The following C1orf74 variants were observed in gnomAD, a reference collection of about 807,000 sequenced individuals.
C1orf74 encodes the protein UPF0739 protein C1orf74.
C1orf74 carries 5 observed loss-of-function variants against 7.3 expected under a neutral mutation model. The ratio of observed to expected loss-of-function variants is 0.68; its 90% confidence interval spans 0.36 to 1.44. The LOEUF is 1.44. Among genes scored for constraint, C1orf74 ranks in the 40% most tolerant of loss-of-function variants. The pLI, the probability that C1orf74 is intolerant of heterozygous loss-of-function variation, is 0.04. For missense variants in C1orf74, 291 were observed against 314.3 expected (o/e 0.93, Z 0.56); for synonymous variants, 121 against 132.5 (o/e 0.91, Z 0.59).
chr1:209,781,399 C>T lies in C1orf74; in HGVS notation c.*1426G>A, dbSNP rs761032143. 4 of 1,613,794 alleles carry T rather than the reference C, an allele frequency of 2.5e-6. No individual in the cohort carries two copies. The highest frequency in any genetic ancestry group is 3.4e-6 in the Non-Finnish European group (4 of 1,179,768). On this transcript the variant is annotated 3_prime_UTR_variant, in exon 2 of 2. Coordinates refer to ENST00000294811, the MANE Select transcript of C1orf74 (RefSeq NM_152485.4). ...CCTCAGTGACGAGTATCTCTCCTGCCTGCGTAAGCTGCAGCACTGTCGAGA... is the reference window on the plus strand; with the variant it reads ...CCTCAGTGACGAGTATCTCTCCTGCTTGCGTAAGCTGCAGCACTGTCGAGA...
chr1:209,781,375 C>G lies in C1orf74; in HGVS notation c.*1450G>C, dbSNP rs1212681386. On this transcript the variant is annotated 3_prime_UTR_variant, in exon 2 of 2. Coordinates refer to ENST00000294811, the MANE Select transcript of C1orf74 (RefSeq NM_152485.4). ...AGAACTGCATTCAGAATTAGACAAC[C>G]TCAGTGACGAGTATCTCTCCTGCCT... 6.2e-7 allele frequency: 1 copy of G among 1,613,424 alleles called. No individual in the cohort carries two copies. The highest frequency in any genetic ancestry group is 1.7e-5 in the Admixed American group (1 of 60,002).
At position 209,782,743 on chromosome 1, in the gene C1orf74, G is replaced by T; in HGVS notation, c.*82C>A. 7.3e-7 allele frequency: 1 copy of T among 1,367,272 alleles called. No individual in the cohort carries two copies. Among genetic ancestry groups the T allele is most frequent in the Non-Finnish European group, 1.0e-6 (1 of 988,520 alleles). The allele number at this position is 1,367,272 out of a possible 1,614,324, so 84.7% of individuals were successfully genotyped here. On this transcript the variant is annotated 3_prime_UTR_variant, in exon 2 of 2. Transcript: ENST00000294811. ...TAGTGTATTCAAGACACTTGGAATT[G>T]GCAGTTGAGATGATTATTTGCCATC...
Position 209,784,378 on chromosome 1 carries a change from G to T in C1orf74, c.-76C>A, listed in dbSNP as rs920895282. 6.6e-6 allele frequency: 1 copy of T among 152,226 alleles called. No homozygotes were observed. Among genetic ancestry groups the T allele is most frequent in the African/African-American group, 2.4e-5 (1 of 41,444 alleles). 9.4% of individuals were successfully genotyped at this position (152,226 alleles called of 1,614,324 possible). A position where few individuals can be genotyped will look rare whatever the true frequency, so the allele number is the denominator to read the frequency against. On this transcript the variant is annotated splice_region_variant and 5_prime_UTR_variant, in exon 1 of 2. Transcript: ENST00000294811. Reference sequence around the variant, plus strand: ...TGAGGCATAAGTCTGTCTCACATACGTTCTTTTTCCACGTCCGCTACAGGT... The same window carrying T: ...TGAGGCATAAGTCTGTCTCACATACTTTCTTTTTCCACGTCCGCTACAGGT...
In C1orf74 at chr1:209,781,300, C is replaced by A; in HGVS notation, c.*1525G>T. On this transcript the variant is annotated 3_prime_UTR_variant, in exon 2 of 2. Coordinates refer to ENST00000294811, the MANE Select transcript of C1orf74 (RefSeq NM_152485.4). ...GCAGTCTCCCCTGCCTGGGCTCTGT[C>A]CTAGACAGAAGTGACAGTGATGACT... 2 of 1,420,132 alleles carry A rather than the reference C, an allele frequency of 1.4e-6. No individual in the cohort carries two copies. Among genetic ancestry groups the A allele is most frequent in the South Asian group, 1.2e-5 (1 of 86,394 alleles). The allele number at this position is 1,420,132 out of a possible 1,614,324, so 88.0% of individuals were successfully genotyped here.
rs927921831 is a variant in C1orf74, at chr1:209,780,860, A to G, written c.*1965T>C. 1.6e-5 allele frequency: 4 copies of G among 254,066 alleles called. No homozygotes were observed. Among genetic ancestry groups the G allele is most frequent in the Non-Finnish European group, 7.4e-6 (1 of 134,240 alleles). The allele number at this position is 254,066 out of a possible 1,614,324, so 15.7% of individuals were successfully genotyped here. A position where few individuals can be genotyped will look rare whatever the true frequency, so the allele number is the denominator to read the frequency against. Reference sequence around the variant, plus strand: ...GTCGACCAAAACTCAAACACATTTAATAAAAATATTAACTTCTCAATATGT... The same window carrying G: ...GTCGACCAAAACTCAAACACATTTAGTAAAAATATTAACTTCTCAATATGT... On this transcript the variant is annotated 3_prime_UTR_variant, in exon 2 of 2. Transcript: ENST00000294811.
Position 209,784,507 on chromosome 1 carries a change from G to C in C1orf74, c.-205C>G, listed in dbSNP as rs746191939. Reference sequence around the variant, plus strand: ...ACACTGGAAAACCCGCCTGCGCTGGGAAGACCCTCGCAGCCCGCTCTGCTC... The same window carrying C: ...ACACTGGAAAACCCGCCTGCGCTGGCAAGACCCTCGCAGCCCGCTCTGCTC... On this transcript the variant is annotated 5_prime_UTR_variant, in exon 1 of 2. Transcript: ENST00000294811. The C allele has an allele frequency of 6.6e-6, 1 of 152,252 alleles. No individual in the cohort carries two copies. Among genetic ancestry groups the C allele is most frequent in the Non-Finnish European group, 1.5e-5 (1 of 68,052 alleles). The allele number at this position is 152,252 out of a possible 1,614,324, so 9.4% of individuals were successfully genotyped here.
In C1orf74 at chr1:209,782,933, A is replaced by C; in HGVS notation, c.702T>G (p.Ile234Met). Residue 234 changes from isoleucine to methionine, a missense_variant, in exon 2 of 2, where the codon ATT becomes ATG. Ile to Met is a conservative substitution (Grantham distance 10, BLOSUM62 1). Coordinates refer to ENST00000294811, the MANE Select transcript of C1orf74 (RefSeq NM_152485.4). The stretch of plus-strand genomic sequence containing the variant: ...TGAGGTCCTTCTCCCAGGTGTTTAG[A>C]ATGTCCCTCAGGCCTGGGAACAAAC... ...PESLFPGLRD[I>M]LNTWEKDLRT... is the part of the protein sequence containing the mutation. 1 of 1,614,158 alleles carries C rather than the reference A, an allele frequency of 6.2e-7. No individual in the cohort carries two copies.
At position 209,780,135 on chromosome 1, in the gene C1orf74, C is replaced by G. The variant is rs2077744615; in HGVS notation, c.*2690G>C. ...AAAAGGGATTGTATTAAAGCATTTA[C>G]CAAACTTATTTGACAAACTAGGAAG... On this transcript the variant is annotated 3_prime_UTR_variant, in exon 2 of 2. Coordinates refer to ENST00000294811, the MANE Select transcript of C1orf74 (RefSeq NM_152485.4). The G allele has an allele frequency of 5.9e-6, 1 of 169,490 alleles. No homozygotes were observed. The highest frequency in any genetic ancestry group is 1.2e-5 in the Non-Finnish European group (1 of 80,084). The allele number at this position is 169,490 out of a possible 1,614,324, so 10.5% of individuals were successfully genotyped here. A position where few individuals can be genotyped will look rare whatever the true frequency, so the allele number is the denominator to read the frequency against.
chr1:209,780,429 T>C lies in C1orf74; in HGVS notation c.*2396A>G, dbSNP rs1436855448. On this transcript the variant is annotated 3_prime_UTR_variant, in exon 2 of 2. Transcript: ENST00000294811. Reference sequence around the variant, plus strand: ...CACCCTCAGGGCCCTTCCTCAGAGGTGTGGGCCTCACTGTCACCAAGAATC... The same window carrying C: ...CACCCTCAGGGCCCTTCCTCAGAGGCGTGGGCCTCACTGTCACCAAGAATC... 2 of 1,502,180 alleles carry C rather than the reference T, an allele frequency of 1.3e-6. No individual in the cohort carries two copies. Among genetic ancestry groups the C allele is most frequent in the South Asian group, 1.3e-5 (1 of 77,170 alleles). The allele number at this position is 1,502,180 out of a possible 1,614,324, so 93.1% of individuals were successfully genotyped here.
In C1orf74 at chr1:209,781,872, G is replaced by A. The variant is rs1170255741; in HGVS notation, c.*953C>T. 2 of 589,448 alleles carry A rather than the reference G, an allele frequency of 3.4e-6. No individual in the cohort carries two copies. The highest frequency in any genetic ancestry group is 1.9e-5 in the African/African-American group (1 of 53,604). The allele number at this position is 589,448 out of a possible 1,614,324, so 36.5% of individuals were successfully genotyped here. On this transcript the variant is annotated 3_prime_UTR_variant, in exon 2 of 2. Transcript: ENST00000294811. ...GATGGATACGGCTCCCTGGGCCAGA[G>A]AACATTGGTTAAGTGGTTTTATCCC...
At chr1:209,784,183 C>A (rs1015110079) in intron 1 of C1orf74, among the ~76,000 whole-genome samples, 195 bp downstream of exon 1, 6 of 152,080 alleles carry the variant, frequency 3.9e-5, no homozygotes, top group African/African-American at 1.4e-4. Flanking sequence ...ACCATCTCAC[C>A]CTGACACATA....
Position 209,781,383 on chromosome 1 carries a change from C to T in C1orf74, c.*1442G>A. On this transcript the variant is annotated 3_prime_UTR_variant, in exon 2 of 2. Coordinates refer to ENST00000294811, the MANE Select transcript of C1orf74 (RefSeq NM_152485.4). ...ATTCAGAATTAGACAACCTCAGTGA[C>T]GAGTATCTCTCCTGCCTGCGTAAGC... 5 of 1,613,456 alleles carry T rather than the reference C, an allele frequency of 3.1e-6. No individual in the cohort carries two copies. The highest frequency in any genetic ancestry group is 4.2e-6 in the Non-Finnish European group (5 of 1,179,570).
chr1:209,780,333 G>C lies in C1orf74; in HGVS notation c.*2492C>G. On this transcript the variant is annotated 3_prime_UTR_variant, in exon 2 of 2. Coordinates refer to ENST00000294811, the MANE Select transcript of C1orf74 (RefSeq NM_152485.4). Reference sequence around the variant, plus strand: ...CTACTGGAAGTTAACCTTTATGTCAGAGAATGCCATCAGTCTAGCCAAGAG... The same window carrying C: ...CTACTGGAAGTTAACCTTTATGTCACAGAATGCCATCAGTCTAGCCAAGAG... 1 of 721,492 alleles carries C rather than the reference G, an allele frequency of 1.4e-6. No individual in the cohort carries two copies. The highest frequency in any genetic ancestry group is 2.0e-6 in the Non-Finnish European group (1 of 489,476). The allele number at this position is 721,492 out of a possible 1,614,324, so 44.7% of individuals were successfully genotyped here.
In C1orf74 at chr1:209,779,473, G is replaced by A; in HGVS notation, c.*3352C>T. ...ACATGACCTCCTGGAGTCCCAGCCAGTTCTGGGAGTCTGTTAAGTCCGGGA... is the reference window on the plus strand; with the variant it reads ...ACATGACCTCCTGGAGTCCCAGCCAATTCTGGGAGTCTGTTAAGTCCGGGA... On this transcript the variant is annotated 3_prime_UTR_variant, in exon 2 of 2. Transcript: ENST00000294811. The A allele has an allele frequency of 9.9e-7, 1 of 1,013,326 alleles. No homozygotes were observed. Among genetic ancestry groups the A allele is most frequent in the Non-Finnish European group, 1.6e-6 (1 of 642,138 alleles). 62.8% of individuals were successfully genotyped at this position (1,013,326 alleles called of 1,614,324 possible).
At position 209,783,592 on chromosome 1, in the gene C1orf74, G is replaced by C. The variant is rs141648318; in HGVS notation, c.43C>G (p.Leu15Val). The change falls in exon 2 of 2, where the codon CTG becomes GTG. Residue 15 changes from leucine (L) to valine (V), a missense_variant. Coordinates refer to ENST00000294811, the MANE Select transcript of C1orf74 (RefSeq NM_152485.4). ...AGGGTCTGCTGAGCAGCTGCCACCA[G>C]CAGCTGAGGGCTCGGTGATGACATG... ...DLMSSPSPQL[L>V]VAAAQQTLGM... 1.2e-6 allele frequency: 2 copies of C among 1,609,408 alleles called. No individual in the cohort carries two copies. The highest frequency in any genetic ancestry group is 1.3e-5 in the African/African-American group (1 of 74,594).
rs1458400152 is a variant in C1orf74 at position 209,783,638 on chromosome 1, G to T, written c.-4C>A. 1 of 1,569,452 alleles carries T rather than the reference G, an allele frequency of 6.4e-7. No individual in the cohort carries two copies. Among genetic ancestry groups the T allele is most frequent in the Admixed American group, 1.9e-5 (1 of 53,152 alleles). ...ACATGAGATCTAGAAGCAACATCAAGAATGGCCTCCTTAGCTAGCCCGAGT... is the reference window on the plus strand; with the variant it reads ...ACATGAGATCTAGAAGCAACATCAATAATGGCCTCCTTAGCTAGCCCGAGT... On this transcript the variant is annotated 5_prime_UTR_variant, in exon 2 of 2. Transcript: ENST00000294811.
Position 209,781,282 on chromosome 1 carries a change from C to G in C1orf74, c.*1543G>C. 2.6e-6 allele frequency: 3 copies of G among 1,136,874 alleles called. No homozygotes were observed. Among genetic ancestry groups the G allele is most frequent in the Non-Finnish European group, 4.0e-6 (3 of 759,036 alleles). The allele number at this position is 1,136,874 out of a possible 1,614,324, so 70.4% of individuals were successfully genotyped here. On this transcript the variant is annotated 3_prime_UTR_variant, in exon 2 of 2. Coordinates refer to ENST00000294811, the MANE Select transcript of C1orf74 (RefSeq NM_152485.4). The stretch of plus-strand genomic sequence containing the variant: ...GAGTGAAACTTACAAAGGGCAGTCT[C>G]CCCTGCCTGGGCTCTGTCCTAGACA...
rs2077813642 is a variant in C1orf74 at position 209,783,673 on chromosome 1, T to C, written c.-39A>G. On this transcript the variant is annotated 5_prime_UTR_variant, in exon 2 of 2. Coordinates refer to ENST00000294811, the MANE Select transcript of C1orf74 (RefSeq NM_152485.4). The stretch of plus-strand genomic sequence containing the variant: ...CTTAGCTAGCCCGAGTTCCCTTCCC[T>C]GGGTGGCATCTTTCAGCCAGACACT... 3 of 1,507,292 alleles carry C rather than the reference T, an allele frequency of 2.0e-6. No individual in the cohort carries two copies. Among genetic ancestry groups the C allele is most frequent in the African/African-American group, 2.8e-5 (2 of 71,508 alleles). The allele number at this position is 1,507,292 out of a possible 1,614,324, so 93.4% of individuals were successfully genotyped here.
chr1:209,780,440 C>A lies in C1orf74; in HGVS notation c.*2385G>T, dbSNP rs575249785. 23 of 1,523,744 alleles carry A rather than the reference C, an allele frequency of 1.5e-5. No individual in the cohort carries two copies. In the South Asian group the frequency reaches 2.9e-4, roughly 19 times the overall value. 94.4% of individuals were successfully genotyped at this position (1,523,744 alleles called of 1,614,324 possible). On this transcript the variant is annotated 3_prime_UTR_variant, in exon 2 of 2. Coordinates refer to ENST00000294811, the MANE Select transcript of C1orf74 (RefSeq NM_152485.4). Reference sequence around the variant, plus strand: ...CCCTTCCTCAGAGGTGTGGGCCTCACTGTCACCAAGAATCTGGCTGCTTTT... The same window carrying A: ...CCCTTCCTCAGAGGTGTGGGCCTCAATGTCACCAAGAATCTGGCTGCTTTT...
Sources: allele counts gnomAD v4.1 joint callset (sites outside exome capture counted in the v4.1 genomes callset), GRCh38; gene constraint gnomAD v4.1.1; transcripts MANE v1.5; gene names NCBI Gene and HGNC (gene_info 2026-07-23, HGNC 2026-07-21).